The following GALNT13 variants were observed in gnomAD, a reference collection of about 807,000 sequenced individuals.
GALNT13 encodes UDP-GalNAc:polypeptide N-acetylgalactosaminyltransferase 13.
A neutral mutation model predicts 64.2 loss-of-function variants in GALNT13; 28 were observed. That is an observed-to-expected ratio of 0.44 (90% CI 0.32 to 0.60). GALNT13 has a LOEUF of 0.60. Among genes scored for constraint, GALNT13 ranks in the 20% least tolerant of loss-of-function variants. The probability of loss-of-function intolerance (pLI) is 0.05; values close to 1 mark genes in which losing one functional copy is unlikely to be tolerated. For missense variants in GALNT13, 577 were observed against 669.8 expected (o/e 0.86, Z 1.53); for synonymous variants, 214 against 224.6 (o/e 0.95, Z 0.42).
At chr2:153,531,768 G>C in the GALNT13 span, among the ~76,000 whole-genome samples, 3 of 152,110 alleles carry the variant, frequency 2.0e-5, no homozygotes, top group Non-Finnish European at 4.4e-5. Context: ...ATAAATACTT[G>C]CATTTCAAAA....
the GALNT13 span, among the ~76,000 whole-genome samples, chr2:153,416,621 T>A: frequency 6.6e-6 from 1 of 152,210 alleles, no homozygotes; most frequent in African/African-American, 2.4e-5. Flanking sequence ...GTTTATGGTA[T>A]TTTTTGTAAA....
At chr2:153,741,623 C>A in the GALNT13 span, among the ~76,000 whole-genome samples, 1 of 151,954 alleles carries the variant, frequency 6.6e-6, no homozygotes, top group Non-Finnish European at 1.5e-5. Flanking sequence ...GAGGCTAGAA[C>A]CAATGCCTGA....
At chr2:154,393,555 C>T (rs1698898208) in intron 9 of GALNT13, among the ~76,000 whole-genome samples, 1 of 152,078 alleles carries the variant, frequency 6.6e-6, no homozygotes, top group African/African-American at 2.4e-5. Context: ...GCCATTCTCA[C>T]CAAAATGTTA....
chr2:154,136,735 CTAAT>C (rs905014527), intron 3 of GALNT13, among the ~76,000 whole-genome samples: 6 of 152,006 alleles, frequency 3.9e-5, no homozygotes, highest in African/African-American at 1.4e-4. Flanking sequence ...TTGAGTCAAA[CTAAT>C]TATTTTTTTA....
chr2:153,789,261 A>G, the GALNT13 span, among the ~76,000 whole-genome samples: 2 of 152,220 alleles, frequency 1.3e-5, no homozygotes, highest in African/African-American at 4.8e-5. Context: ...CTCAGACCAC[A>G]GCAGAATGAA....
the GALNT13 span, among the ~76,000 whole-genome samples, chr2:153,756,673 A>G: frequency 1.3e-5 from 2 of 152,038 alleles, no homozygotes; most frequent in African/African-American, 4.8e-5. Context: ...TTGTTTTTCA[A>G]CATCCTTTCT....
chr2:154,009,678 G>A (rs1118160), intron 3 of GALNT13, among the ~76,000 whole-genome samples: 74 of 151,960 alleles, frequency 4.9e-4, no homozygotes, highest in Non-Finnish European at 9.7e-4. Flanking sequence ...TTAGTAGAGA[G>A]GGGGTTTCAC....
At chr2:153,827,621 G>A in the GALNT13 span, among the ~76,000 whole-genome samples, 13 of 73,566 alleles carry the variant, frequency 1.8e-4, no homozygotes, top group South Asian at 9.3e-4. Context: ...GCGAGACTCC[G>A]TCCCAAAAAA....
chr2:153,151,675 C>T, the GALNT13 span, among the ~76,000 whole-genome samples: 1 of 152,038 alleles, frequency 6.6e-6, no homozygotes, highest in Non-Finnish European at 1.5e-5. Flanking sequence ...TTCATGTCCT[C>T]TGTAGGGATG....
chr2:153,122,746 G>C, the GALNT13 span, among the ~76,000 whole-genome samples: 1 of 152,026 alleles, frequency 6.6e-6, no homozygotes, highest in South Asian at 2.1e-4. Flanking sequence ...CAGTTTCCAG[G>C]GGATGAAAGG....
chr2:154,284,558 T>C (rs1338432743), intron 8 of GALNT13, among the ~76,000 whole-genome samples: 1 of 120,698 alleles, frequency 8.3e-6, no homozygotes, highest in Non-Finnish European at 1.9e-5. Flanking sequence ...CACATATATA[T>C]GTATCTCACA....
the GALNT13 span, among the ~76,000 whole-genome samples, chr2:153,559,861 AT>A: frequency 6.6e-6 from 1 of 151,948 alleles, no homozygotes; most frequent in East Asian, 1.9e-4. Context: ...AGTTTTTTGG[AT>A]TTTTCTCTTT....
chr2:154,069,915 G>C (rs540889757), intron 3 of GALNT13, among the ~76,000 whole-genome samples: 9 of 152,050 alleles, frequency 5.9e-5, no homozygotes, highest in Non-Finnish European at 1.2e-4. Context: ...ATGGATATTG[G>C]ATAAAGAGTT....
chr2:154,236,232 A>G, intron 4 of GALNT13: 1 of 872,208 alleles, frequency 1.1e-6, no homozygotes, highest in Non-Finnish European at 1.4e-6. Flanking sequence ...TGTTAACCTC[A>G]TGCATCATAT....
At chr2:153,951,771 A>T (rs1301848482) in intron 3 of GALNT13, among the ~76,000 whole-genome samples, 3 of 152,196 alleles carry the variant, frequency 2.0e-5, no homozygotes, top group Admixed American at 6.6e-5. Context: ...TTGAAAAAAC[A>T]GTCACTTTAA....
chr2:153,680,052 T>C, the GALNT13 span, among the ~76,000 whole-genome samples: 1 of 151,950 alleles, frequency 6.6e-6, no homozygotes, highest in Non-Finnish European at 1.5e-5. Context: ...CACTTGTCCT[T>C]CTACCTTCAT....
At chr2:154,375,077 C>T (rs1455741748) in intron 9 of GALNT13, among the ~76,000 whole-genome samples, 1 of 152,212 alleles carries the variant, frequency 6.6e-6, no homozygotes, top group South Asian at 2.1e-4. Context: ...AGCTCCGGTT[C>T]CCGGGGTTCA....
intron 7 of GALNT13, among the ~76,000 whole-genome samples, chr2:154,254,222 T>C (rs1324605771): frequency 6.6e-6 from 1 of 152,204 alleles, no homozygotes; most frequent in African/African-American, 2.4e-5. Context: ...CAGTAACAGC[T>C]AAACACTTTA....
the GALNT13 span, among the ~76,000 whole-genome samples, chr2:153,775,771 T>C: frequency 6.0e-4 from 91 of 152,294 alleles, no homozygotes; most frequent in Admixed American, 1.6e-3. Context: ...ATCATCTTTC[T>C]AGAGCCTTCT....
Sources: allele counts gnomAD v4.1 joint callset (sites outside exome capture counted in the v4.1 genomes callset), GRCh38; gene constraint gnomAD v4.1.1; transcripts MANE v1.5; gene names NCBI Gene and HGNC (gene_info 2026-07-23, HGNC 2026-07-21).